TMC3: variants seen among roughly 807,000 people sequenced by gnomAD.
TMC3 encodes the protein transmembrane channel like 3.
In TMC3, 98 loss-of-function variants were observed where a neutral mutation model predicts 110.6. The ratio of observed to expected loss-of-function variants is 0.89; its 90% confidence interval spans 0.75 to 1.05. TMC3 has a LOEUF of 1.05. TMC3 is among the 50% of genes least tolerant of loss of function. The pLI, the probability that TMC3 is intolerant of heterozygous loss-of-function variation, is 0.00. For missense variants in TMC3, 1,319 were observed against 1,373.2 expected, an observed-to-expected ratio of 0.96 and a Z score of 0.62; for synonymous variants, 489 against 513.1, an observed-to-expected ratio of 0.95 and a Z score of 0.63.
At chr15:81,356,364 T>C in intron 8 of TMC3, 83 bp downstream of exon 8, 1 of 1,456,900 alleles carries the variant, frequency 6.9e-7, no homozygotes, top group Non-Finnish European at 9.2e-7. Context: ...AAGAGGATGG[T>C]TCTGGCTTCC....
intron 3 of TMC3, among the ~76,000 whole-genome samples, chr15:81,367,986 G>A (rs1229980526): frequency 6.6e-6 from 1 of 152,192 alleles, no homozygotes; most frequent in African/African-American, 2.4e-5. Context: ...CCAGACTGGA[G>A]TGCAGTGGCG....
At chr15:81,371,684 T>C (rs1894438068) in intron 2 of TMC3, among the ~76,000 whole-genome samples, 1 of 152,216 alleles carries the variant, frequency 6.6e-6, no homozygotes, top group Non-Finnish European at 1.5e-5. Context: ...TGCTAAGCAC[T>C]CACAGGGTTC....
chr15:81,341,499 GGGA>G lies in TMC3; in HGVS notation c.1732_1734del (p.Ser578del). The G allele has an allele frequency of 2.5e-6, 4 of 1,610,496 alleles. No individual in the cohort carries two copies. The highest frequency in any genetic ancestry group is 3.4e-6 in the Non-Finnish European group (4 of 1,178,296). On this transcript the variant is annotated inframe_deletion, in exon 16 of 22. Transcript: ENST00000359440. ...AGAACGTTGAACGCTGGGAGACATG[GGGA>G]GAAGAAGGCCCCCATCCTGGAACCA...
chr15:81,332,922 G>A lies in TMC3; in HGVS notation c.2800C>T (p.Arg934Cys), dbSNP rs754697156. ...CTCAGCTGTGGGGAGGGAGGCTGGC[G>A]GGGGACCCGGGATGCATATTGTCGC... ...NVRQYASRVPRQPPSPQLSEE... is the reference protein window; with the variant it reads ...NVRQYASRVPCQPPSPQLSEE... The change falls in exon 22 of 22, where the codon CGC becomes TGC. Residue 934 changes from arginine to cysteine, a missense_variant. By Grantham distance (180) the Arg-to-Cys change is radical. Coordinates refer to ENST00000359440, the MANE Select transcript of TMC3 (RefSeq NM_001080532.3). 10 of 1,612,462 alleles carry A rather than the reference G, an allele frequency of 6.2e-6. No individual in the cohort carries two copies. The highest frequency in any genetic ancestry group is 5.3e-5 in the African/African-American group (4 of 74,898).
At chr15:81,370,549 C>G (rs1894411696) in intron 2 of TMC3, among the ~76,000 whole-genome samples, 1 of 152,138 alleles carries the variant, frequency 6.6e-6, no homozygotes, top group African/African-American at 2.4e-5. Flanking sequence ...TTCTGAAGTG[C>G]CTTGACAGAA....
rs1893560736 is a variant in TMC3, at chr15:81,334,988, G to A, written c.2204-13C>T. On this transcript the variant is annotated splice_polypyrimidine_tract_variant and intron_variant, in intron 20 of 21. Transcript: ENST00000359440. Reference sequence around the variant, plus strand: ...GTCTGGATTCGGGCTGCAGGGAGAGGGAGGTGTTGTGAGAAGACAGGTGTC... The same window carrying A: ...GTCTGGATTCGGGCTGCAGGGAGAGAGAGGTGTTGTGAGAAGACAGGTGTC... 5.0e-6 allele frequency: 8 copies of A among 1,612,144 alleles called. No individual in the cohort carries two copies. The highest frequency in any genetic ancestry group is 2.7e-5 in the African/African-American group (2 of 75,006).
At chr15:81,367,129 T>C (rs962573013) in intron 3 of TMC3, among the ~76,000 whole-genome samples, 6 of 152,152 alleles carry the variant, frequency 3.9e-5, no homozygotes, top group African/African-American at 1.4e-4. Context: ...AAAATCTATA[T>C]GTGCAAAGAT....
Position 81,334,784 on chromosome 15 carries a change from C to T in TMC3, c.2395G>A (p.Asp799Asn), listed in dbSNP as rs755012180. 1.2e-6 allele frequency: 2 copies of T among 1,614,022 alleles called. No homozygotes were observed. The highest frequency in any genetic ancestry group is 2.2e-5 in the South Asian group (2 of 91,088). ...GGGAGAGGTGAGCTAGGAGCCCTGTCCCCTGGCCTCGGGCTCTGGGGCATG... is the reference window on the plus strand; with the variant it reads ...GGGAGAGGTGAGCTAGGAGCCCTGTTCCCTGGCCTCGGGCTCTGGGGCATG... ...QSMPQSPRPG[D>N]RAPSSPLPGV... is the part of the protein sequence containing the mutation. The change falls in exon 21 of 22, where the codon GAC becomes AAC. Residue 799 changes from aspartate (D) to asparagine (N), a missense_variant. Coordinates refer to ENST00000359440, the MANE Select transcript of TMC3 (RefSeq NM_001080532.3).
intron 7 of TMC3, among the ~76,000 whole-genome samples, chr15:81,357,142 C>T (rs1894082347): frequency 6.6e-6 from 1 of 152,042 alleles, no homozygotes; most frequent in South Asian, 2.1e-4. Flanking sequence ...TTTCTTGCTT[C>T]CAAGTTTGCT....
chr15:81,333,254 T>C lies in TMC3; in HGVS notation c.2468A>G (p.His823Arg). 1 of 1,605,816 alleles carries C rather than the reference T, an allele frequency of 6.2e-7. No individual in the cohort carries two copies. The highest frequency in any genetic ancestry group is 8.5e-7 in the Non-Finnish European group (1 of 1,174,564). Reference sequence around the variant, plus strand: ...GTCACTGGTGCTTGCACACAGACCGTGCAGATACCTGTAAGACAGGGGCGG... The same window carrying C: ...GTCACTGGTGCTTGCACACAGACCGCGCAGATACCTGTAAGACAGGGGCGG... Reference protein sequence around the residue: ...RLEHETNRYLHGLCASTSDLH... With the variant: ...RLEHETNRYLRGLCASTSDLH... The change falls in exon 22 of 22, where the codon CAC (histidine) becomes CGC (arginine). Residue 823 changes from histidine (H) to arginine (R), a missense_variant. By Grantham distance (29) the His-to-Arg change is conservative (BLOSUM62 0). Coordinates refer to ENST00000359440, the MANE Select transcript of TMC3 (RefSeq NM_001080532.3).
rs1194689717 is a variant in TMC3 at position 81,358,306 on chromosome 15, C to T, written c.601-15G>A. 1.9e-6 allele frequency: 3 copies of T among 1,600,652 alleles called. No homozygotes were observed. The highest frequency in any genetic ancestry group is 2.6e-6 in the Non-Finnish European group (3 of 1,172,310). On this transcript the variant is annotated splice_polypyrimidine_tract_variant and intron_variant, in intron 6 of 21. Transcript: ENST00000359440. ...TGGAGGTAGCCCTGCAAAGAAAACA[C>T]TCAGTGTCATTTCTGCTTCCCGTTC... is the stretch of plus-strand genomic sequence containing the variant.
At chr15:81,353,377 C>G (rs1275563720) in intron 9 of TMC3, among the ~76,000 whole-genome samples, 1 of 152,114 alleles carries the variant, frequency 6.6e-6, no homozygotes, top group Non-Finnish European at 1.5e-5. Context: ...TTTATAAAGT[C>G]TACGCTAGTA....
Position 81,356,460 on chromosome 15 carries a change from A to G in TMC3, c.878T>C (p.Val293Ala). ...TCACTCACTCACCCTGATGCTGTTC[A>G]CTATGGCAGCTGTTTTGCTCTCTGC... ...EAAESKTAAI[V>A]NSIREAILEE... The change falls in exon 8 of 22, where the codon GTG (valine) becomes GCG (alanine). Residue 293 changes from valine (V) to alanine (A), a missense_variant. Transcript: ENST00000359440. 1 of 1,567,830 alleles carries G rather than the reference A, an allele frequency of 6.4e-7. No individual in the cohort carries two copies. Among genetic ancestry groups the G allele is most frequent in the Non-Finnish European group, 8.6e-7 (1 of 1,156,136 alleles).
chr15:81,338,604 G>T, intron 18 of TMC3, 51 bp downstream of exon 18: 4 of 1,583,982 alleles, frequency 2.5e-6, no homozygotes, highest in Non-Finnish European at 3.4e-6. Context: ...GCGTTTTCTT[G>T]TTGGCCAAAC....
chr15:81,332,679 G>C lies in TMC3; in HGVS notation c.3043C>G (p.Arg1015Gly), dbSNP rs376608239. 5 of 1,613,880 alleles carry C rather than the reference G, an allele frequency of 3.1e-6. No individual in the cohort carries two copies. Among genetic ancestry groups the C allele is most frequent in the Non-Finnish European group, 4.2e-6 (5 of 1,179,908 alleles). Reference sequence around the variant, plus strand: ...TGTGGGTATTGGAAATTCCGGGATCGTGGCTTTCTGGGCACATAGGCTGGC... The same window carrying C: ...TGTGGGTATTGGAAATTCCGGGATCCTGGCTTTCTGGGCACATAGGCTGGC... ...ERPAYVPRKPRSRNFQYPQPP... is the reference protein window; with the variant it reads ...ERPAYVPRKPGSRNFQYPQPP... Residue 1015 changes from arginine to glycine, a missense_variant, in exon 22 of 22, where the codon CGA becomes GGA. Coordinates refer to ENST00000359440, the MANE Select transcript of TMC3 (RefSeq NM_001080532.3).
chr15:81,337,708 G>A (rs934477134), intron 19 of TMC3, 138 bp downstream of exon 19: 8 of 716,648 alleles, frequency 1.1e-5, no homozygotes, highest in Non-Finnish European at 1.8e-5. Context: ...TCTGGGGATT[G>A]GTGGCCTTGC....
Position 81,372,649 on chromosome 15 carries a change from G to C in TMC3, c.178C>G (p.Leu60Val). 1 of 1,613,906 alleles carries C rather than the reference G, an allele frequency of 6.2e-7. No individual in the cohort carries two copies. Among genetic ancestry groups the C allele is most frequent in the Non-Finnish European group, 8.5e-7 (1 of 1,179,876 alleles). The change falls in exon 2 of 22, where the codon CTC (leucine) becomes GTC (valine). Residue 60 changes from leucine to valine, a missense_variant. Leu to Val is a conservative substitution (Grantham distance 32, BLOSUM62 1). Transcript: ENST00000359440. Reference protein sequence around the residue: ...IFQNIQFQKDLMANIRCRPWT... With the variant: ...IFQNIQFQKDVMANIRCRPWT... Reference sequence around the variant, plus strand: ...GGTCTGCAGCGAATGTTTGCCATGAGATCTTTCTGGAACTGTATATTCTGG... The same window carrying C: ...GGTCTGCAGCGAATGTTTGCCATGACATCTTTCTGGAACTGTATATTCTGG...
chr15:81,356,618 G>T, intron 7 of TMC3, 24 bp from the exon 8 acceptor site: 3 of 1,572,520 alleles, frequency 1.9e-6, no homozygotes, highest in South Asian at 2.4e-5. Flanking sequence ...GCACAAACAG[G>T]TCTTGGGAGT....
At chr15:81,343,082 C>A (rs909297744) in intron 15 of TMC3, 196 bp downstream of exon 15, 10 of 503,768 alleles carry the variant, frequency 2.0e-5, no homozygotes, top group African/African-American at 1.4e-4. Flanking sequence ...GGATTATTTT[C>A]TTTTTAATTT....
Sources: allele counts gnomAD v4.1 joint callset (sites outside exome capture counted in the v4.1 genomes callset), GRCh38; gene constraint gnomAD v4.1.1; transcripts MANE v1.5; gene names NCBI Gene and HGNC (gene_info 2026-07-23, HGNC 2026-07-21).